ADAT2: variants seen among roughly 807,000 people sequenced by gnomAD.
ADAT2 encodes adenosine deaminase tRNA specific 2, also known as tRNA-specific adenosine-34 deaminase catalytic subunit ADAT2.
A neutral mutation model predicts 25.9 loss-of-function variants in ADAT2; 26 were observed. The observed-to-expected ratio is 1.00, with a 90% CI of 0.74 to 1.39. The LOEUF is 1.39. Ranked by LOEUF, ADAT2 falls within the 40% of genes most tolerant of loss-of-function variation. The pLI, the probability that ADAT2 is intolerant of heterozygous loss-of-function variation, is 0.00. For missense variants in ADAT2, 220 were observed against 244.8 expected, an observed-to-expected ratio of 0.90 and a Z score of 0.68; for synonymous variants, 76 against 86.8, an observed-to-expected ratio of 0.88 and a Z score of 0.69.
At chr6:143,438,260 C>A (rs117331095) in intron 2 of ADAT2, among the ~76,000 whole-genome samples, 53 of 152,258 alleles carry the variant, frequency 3.5e-4, no homozygotes, top group Admixed American at 5.9e-4. Flanking sequence ...AGACTTGTTT[C>A]TTCCATGCTG....
At position 143,436,365 on chromosome 6, in the gene ADAT2, T is replaced by G. The variant is rs1248057328; in HGVS notation, c.201+2225A>C. On this transcript the variant is annotated intron_variant, in intron 2 of 5. Transcript: ENST00000237283. This position sits in a 1 kb window ranked among gnomAD's most constrained non-coding sequence, Gnocchi z 4.1. ...TGAGGGAGGTAGAGGAGAAAATGCT[T>G]CATGTCCAAACCAAGAACAGCAGCT... 3.8e-6 allele frequency: 1 copy of G among 260,212 alleles called. No homozygotes were observed. The highest frequency in any genetic ancestry group is 1.0e-4 in the East Asian group (1 of 9,992). 16.1% of individuals were successfully genotyped at this position (260,212 alleles called of 1,614,324 possible). A position where few individuals can be genotyped will look rare whatever the true frequency, so the allele number is the denominator to read the frequency against.
At position 143,438,704 on chromosome 6, in the gene ADAT2, A is replaced by C; in HGVS notation, c.97-10T>G. Reference sequence around the variant, plus strand: ...CGAGGGCTTCTTTGGCCTGAAACACAAAGTGGAAAATGTAAGACGTAATAC... The same window carrying C: ...CGAGGGCTTCTTTGGCCTGAAACACCAAGTGGAAAATGTAAGACGTAATAC... On this transcript the variant is annotated splice_polypyrimidine_tract_variant and intron_variant, in intron 1 of 5. Coordinates refer to ENST00000237283, the MANE Select transcript of ADAT2 (RefSeq NM_182503.3). 6.2e-7 allele frequency: 1 copy of C among 1,607,386 alleles called. No individual in the cohort carries two copies.
Position 143,428,481 on chromosome 6 carries a change from C to T in ADAT2, c.558G>A (p.Lys186=), listed in dbSNP as rs1454215951. Residue 186 remains lysine, a synonymous_variant, in exon 6 of 6, where the codon AAG becomes AAA. Transcript: ENST00000237283. This position sits in a 1 kb window ranked among gnomAD's most constrained non-coding sequence, Gnocchi z 5.0. The part of the protein sequence containing the change: ...PNAPKSKVRK[K]ECQKS Reference sequence around the variant, plus strand: ...AACATGTTCAAGATTTCTGACATTCCTTTTTCCGAACTTTCGATTTTGGTG... The same window carrying T: ...AACATGTTCAAGATTTCTGACATTCTTTTTTCCGAACTTTCGATTTTGGTG... The T allele has an allele frequency of 1.2e-6, 2 of 1,613,726 alleles. No homozygotes were observed. Among genetic ancestry groups the T allele is most frequent in the African/African-American group, 1.3e-5 (1 of 74,892 alleles).
Position 143,437,288 on chromosome 6 carries a change from C to A in ADAT2, c.201+1302G>T, listed in dbSNP as rs1257229655. 1.3e-5 allele frequency among the ~76,000 whole-genome samples: 2 copies of A among 152,158 alleles called. No individual in the cohort carries two copies. Among genetic ancestry groups the A allele is most frequent in the East Asian group, 3.8e-4 (2 of 5,198 alleles). On this transcript the variant is annotated intron_variant, in intron 2 of 5. Transcript: ENST00000237283. The surrounding 1 kb of genome is among the most constrained non-coding windows in gnomAD (Gnocchi z 4.1). The stretch of plus-strand genomic sequence containing the variant: ...ACGTTTCCCATTCCCTAAAACTGTT[C>A]AAACATTAGATATCAGTATTTTTAA...
chr6:143,429,425 A>T (rs893718836), intron 4 of ADAT2, among the ~76,000 whole-genome samples: 5 of 151,826 alleles, frequency 3.3e-5, no homozygotes, highest in African/African-American at 1.2e-4. Flanking sequence ...ATAACATGTG[A>T]AAGAATAAAT....
intron 1 of ADAT2, among the ~76,000 whole-genome samples, chr6:143,441,223 C>G (rs1779447190): frequency 6.6e-6 from 1 of 152,112 alleles, no homozygotes; most frequent in South Asian, 2.1e-4. Flanking sequence ...CTAATACATG[C>G]AGCAAAGAGG....
In ADAT2 at chr6:143,438,526, T is replaced by TA. The variant is rs1779360942; in HGVS notation, c.201+63dup. ...AGTCTCACCTTCACACCAACTGTGG[T>TA]AAATTCTCTCCAGTCCACCCATCAC... On this transcript the variant is annotated intron_variant, in intron 2 of 5. Coordinates refer to ENST00000237283, the MANE Select transcript of ADAT2 (RefSeq NM_182503.3). 7.6e-6 allele frequency: 10 copies of TA among 1,323,228 alleles called. No homozygotes were observed. The African/African-American group carries it at 8.7e-5, about 12-fold the overall frequency. 82.0% of individuals were successfully genotyped at this position (1,323,228 alleles called of 1,614,324 possible).
Position 143,436,509 on chromosome 6 carries a change from A to G in ADAT2, c.201+2081T>C. On this transcript the variant is annotated intron_variant, in intron 2 of 5. Coordinates refer to ENST00000237283, the MANE Select transcript of ADAT2 (RefSeq NM_182503.3). This position sits in a 1 kb window ranked among gnomAD's most constrained non-coding sequence, Gnocchi z 4.1. Reference sequence around the variant, plus strand: ...ACACGGCCATCCAGGAGCTGCTCAGAGACGTCTCAGAGCAGTTCACAGCCA... The same window carrying G: ...ACACGGCCATCCAGGAGCTGCTCAGGGACGTCTCAGAGCAGTTCACAGCCA... 1 of 337,382 alleles carries G rather than the reference A, an allele frequency of 3.0e-6. No individual in the cohort carries two copies. Among genetic ancestry groups the G allele is most frequent in the South Asian group, 3.0e-5 (1 of 33,792 alleles). The allele number at this position is 337,382 out of a possible 1,614,324, so 20.9% of individuals were successfully genotyped here.
intron 2 of ADAT2, among the ~76,000 whole-genome samples, chr6:143,438,164 T>C (rs1302537928): frequency 6.6e-6 from 1 of 152,148 alleles, no homozygotes; most frequent in Non-Finnish European, 1.5e-5. Context: ...TATTTAAAGG[T>C]ACTAAAAAAG....
At position 143,436,742 on chromosome 6, in the gene ADAT2, G is replaced by T; in HGVS notation, c.201+1848C>A. The T allele has an allele frequency of 6.0e-6, 1 of 167,264 alleles. No homozygotes were observed. The allele number at this position is 167,264 out of a possible 1,614,324, so 10.4% of individuals were successfully genotyped here. A position where few individuals can be genotyped will look rare whatever the true frequency, so the allele number is the denominator to read the frequency against. ...CTGTTACTGGGTTAAGGGCGGGGGT[G>T]GTATGAATTCTTCATTTGCCCACAA... On this transcript the variant is annotated intron_variant, in intron 2 of 5. Transcript: ENST00000237283. This position sits in a 1 kb window ranked among gnomAD's most constrained non-coding sequence, Gnocchi z 4.1.
rs1296119118 is a variant in ADAT2, at chr6:143,422,859, T to C, written c.*5604A>G. ...ATCATAAATAAAATGTATTATTTAT[T>C]CTAAACCCAAATAAAATGATACATT... is the stretch of plus-strand genomic sequence containing the variant. On this transcript the variant is annotated 3_prime_UTR_variant, in exon 6 of 6. Transcript: ENST00000237283. The surrounding 1 kb of genome is among the most constrained non-coding windows in gnomAD (Gnocchi z 4.3). 1 of 152,242 alleles carries C rather than the reference T, an allele frequency of 6.6e-6. No homozygotes were observed. The highest frequency in any genetic ancestry group is 1.9e-4 in the East Asian group (1 of 5,198). 9.4% of individuals were successfully genotyped at this position (152,242 alleles called of 1,614,324 possible). A position where few individuals can be genotyped will look rare whatever the true frequency, so the allele number is the denominator to read the frequency against.
rs1021592167 is a variant in ADAT2, at chr6:143,426,869, C to T, written c.*1594G>A. 1.3e-5 allele frequency: 2 copies of T among 152,004 alleles called. No homozygotes were observed. The highest frequency in any genetic ancestry group is 2.9e-5 in the Non-Finnish European group (2 of 68,008). The allele number at this position is 152,004 out of a possible 1,614,324, so 9.4% of individuals were successfully genotyped here. ...CCAGGTTGGTTGTCCTACAAATAAT[C>T]CCCAAGAAAATGATATGAACACAAT... is the stretch of plus-strand genomic sequence containing the variant. On this transcript the variant is annotated 3_prime_UTR_variant, in exon 6 of 6. Transcript: ENST00000237283. This position sits in a 1 kb window ranked among gnomAD's most constrained non-coding sequence, Gnocchi z 4.1.
At chr6:143,441,611 C>CTA (rs1451122179) in intron 1 of ADAT2, 2 of 152,126 alleles carry the variant, frequency 1.3e-5, no homozygotes, top group Non-Finnish European at 2.9e-5. Context: ...GAACTTGCCA[C>CTA]TATAAAAATG....
At position 143,441,688 on chromosome 6, in the gene ADAT2, A is replaced by G. The variant is rs939914554; in HGVS notation, c.97-2994T>C. ...GCCCTGCTACTAATACCAGGGATTC[A>G]ATTTCAACATGAAATTTGGAGGCGA... On this transcript the variant is annotated intron_variant, in intron 1 of 5. Coordinates refer to ENST00000237283, the MANE Select transcript of ADAT2 (RefSeq NM_182503.3). 11 of 152,356 alleles carry G rather than the reference A, an allele frequency of 7.2e-5. 2 individuals are homozygous for G. The highest frequency in any genetic ancestry group is 1.9e-4 in the East Asian group (1 of 5,192). The allele number at this position is 152,356 out of a possible 1,614,324, so 9.4% of individuals were successfully genotyped here. A position where few individuals can be genotyped will look rare whatever the true frequency, so the allele number is the denominator to read the frequency against.
In ADAT2 at chr6:143,443,866, G is replaced by C. The variant is rs1315761925; in HGVS notation, c.97-5172C>G. On this transcript the variant is annotated intron_variant, in intron 1 of 5. Transcript: ENST00000237283. ...AAAGTTAAAAAAAAAAACAAAAACG[G>C]CAAGAGAATAAACAAATGGAGGCCA... is the stretch of plus-strand genomic sequence containing the variant. Among the ~76,000 whole-genome samples, 3 of 151,680 alleles carry C rather than the reference G, an allele frequency of 2.0e-5. No individual in the cohort carries two copies. In the East Asian group the frequency reaches 5.8e-4, roughly 29 times the overall value.
intron 4 of ADAT2, among the ~76,000 whole-genome samples, chr6:143,430,801 A>G (rs984703390): frequency 2.3e-4 from 35 of 152,154 alleles, no homozygotes; most frequent in African/African-American, 4.6e-4. Flanking sequence ...TCCTGACCTC[A>G]TGATCTGCCC....
rs1779428381 is a variant in ADAT2, at chr6:143,440,533, T to A, written c.97-1839A>T. Among the ~76,000 whole-genome samples the A allele has an allele frequency of 6.6e-6, 1 of 152,204 alleles. No individual in the cohort carries two copies. Among genetic ancestry groups the A allele is most frequent in the African/African-American group, 2.4e-5 (1 of 41,448 alleles). On this transcript the variant is annotated intron_variant, in intron 1 of 5. Coordinates refer to ENST00000237283, the MANE Select transcript of ADAT2 (RefSeq NM_182503.3). The surrounding 1 kb of genome is among the most constrained non-coding windows in gnomAD (Gnocchi z 4.5). ...GGGTCAGAGATGGGGCATGGAGAGA[T>A]GTGAGAAGACAGTATCTGATGCAGT...
intron 3 of ADAT2, among the ~76,000 whole-genome samples, chr6:143,433,368 TTTC>T (rs996856738): frequency 3.3e-5 from 5 of 152,168 alleles, no homozygotes; most frequent in African/African-American, 1.2e-4. Context: ...TCATAAAGGA[TTTC>T]TTACTTCTTA....
At chr6:143,430,988 T>G (rs909113364) in intron 4 of ADAT2, among the ~76,000 whole-genome samples, 2 of 152,246 alleles carry the variant, frequency 1.3e-5, no homozygotes, top group Non-Finnish European at 2.9e-5. Flanking sequence ...GAAAAGAATC[T>G]GCAATTCTGC....
Sources: gnomAD v4.1 joint callset for allele counts (sites outside exome capture counted in the v4.1 genomes callset) on GRCh38, gnomAD v4.1.1 for gene constraint, Gnocchi (gnomAD v3.1) non-coding constraint, MANE v1.5 for transcripts, NCBI Gene and HGNC (gene_info 2026-07-23, HGNC 2026-07-21) for gene names.